Variants in MERTK observed in about 807,000 individuals in gnomAD.
MERTK encodes the protein tyrosine-protein kinase Mer.
MERTK carries 69 observed loss-of-function variants against 99.3 expected under a neutral mutation model. The ratio of observed to expected loss-of-function variants is 0.70; its 90% confidence interval spans 0.57 to 0.85. The LOEUF is 0.85. Ranked by LOEUF, MERTK falls within the 40% of genes least tolerant of loss-of-function variation. The pLI, the probability that MERTK is intolerant of heterozygous loss-of-function variation, is 0.00. For synonymous variants in MERTK, 426 were observed against 467.6 expected (o/e 0.91, Z 1.15); for missense variants, 1,125 against 1,249.4 (o/e 0.90, Z 1.50).
intron 1 of MERTK, among the ~76,000 whole-genome samples, chr2:111,901,222 T>A (rs1684036699): frequency 6.6e-6 from 1 of 152,150 alleles, no homozygotes; most frequent in African/African-American, 2.4e-5. Context: ...TGGAGCAAGA[T>A]AAATATAAAT....
Position 112,028,964 on chromosome 2 carries a change from G to C in MERTK, c.*100G>C, listed in dbSNP as rs1466800848. 1 of 1,601,668 alleles carries C rather than the reference G, an allele frequency of 6.2e-7. No homozygotes were observed. Among genetic ancestry groups the C allele is most frequent in the Non-Finnish European group, 8.5e-7 (1 of 1,174,722 alleles). ...TTTTGGTATTTGTCTTCCTTACCAA[G>C]TGAACTCCATGGCCCCAAAGCACCA... is the stretch of plus-strand genomic sequence containing the variant. On this transcript the variant is annotated 3_prime_UTR_variant, in exon 19 of 19. Coordinates refer to ENST00000295408, the MANE Select transcript of MERTK (RefSeq NM_006343.3).
At chr2:111,959,316 C>T (rs915932559) in intron 4 of MERTK, among the ~76,000 whole-genome samples, 5 of 152,136 alleles carry the variant, frequency 3.3e-5, no homozygotes, top group South Asian at 2.1e-4. Context: ...CCAGTTACTT[C>T]GCCAGTTCTC....
At chr2:111,913,296 C>T (rs1272910407) in intron 1 of MERTK, among the ~76,000 whole-genome samples, 1 of 152,048 alleles carries the variant, frequency 6.6e-6, no homozygotes, top group African/African-American at 2.4e-5. Flanking sequence ...TTAGTTATAT[C>T]TTCTTGTATT....
At chr2:111,956,306 C>T (rs1316496014) in intron 4 of MERTK, among the ~76,000 whole-genome samples, 3 of 152,004 alleles carry the variant, frequency 2.0e-5, no homozygotes, top group Non-Finnish European at 4.4e-5. Context: ...ACCAGGATTG[C>T]CTATAGGAAT....
intron 15 of MERTK, among the ~76,000 whole-genome samples, chr2:112,018,171 T>G (rs746869867): frequency 8.5e-5 from 13 of 152,264 alleles, no homozygotes; most frequent in Non-Finnish European, 1.8e-4. Flanking sequence ...TATGTCCATC[T>G]TGTATCCTAC....
At chr2:111,963,929 G>C (rs1685305144) in intron 4 of MERTK, among the ~76,000 whole-genome samples, 1 of 151,702 alleles carries the variant, frequency 6.6e-6, no homozygotes, top group South Asian at 2.1e-4. Context: ...AGGCCATAGA[G>C]GTGAAGTGAC....
chr2:111,983,038 A>C (rs752432721), intron 8 of MERTK, 45 bp downstream of exon 8: 21 of 1,611,534 alleles, frequency 1.3e-5, no homozygotes, highest in Non-Finnish European at 1.7e-5. Flanking sequence ...TCTCCTTTCA[A>C]CTTGCTGGTT....
intron 1 of MERTK, among the ~76,000 whole-genome samples, chr2:111,919,139 C>T (rs777312439): frequency 1.7e-4 from 26 of 152,136 alleles, no homozygotes; most frequent in Admixed American, 3.9e-4. Flanking sequence ...CTTGTTCTCA[C>T]CCCACCTCTC....
chr2:111,960,212 G>A (rs1179837693), intron 4 of MERTK, among the ~76,000 whole-genome samples: 1 of 152,126 alleles, frequency 6.6e-6, no homozygotes, highest in Non-Finnish European at 1.5e-5. Flanking sequence ...TGGACGTGGT[G>A]GCTCACGCCT....
At position 112,003,912 on chromosome 2, in the gene MERTK, G is replaced by T; in HGVS notation, c.1795G>T (p.Gly599Trp). The T allele has an allele frequency of 6.2e-7, 1 of 1,613,146 alleles. No individual in the cohort carries two copies. The highest frequency in any genetic ancestry group is 1.1e-5 in the South Asian group (1 of 91,046). ...LGKILGEGEF[G>W]SVMEGNLKQE... ...GTTCTTTCACTTCACAGGAGAGTTT[G>T]GGTCTGTAATGGAAGGAAATCTTAA... The change falls in exon 13 of 19, where the codon GGG becomes TGG. Residue 599 changes from glycine (G) to tryptophan (W), a missense_variant. By Grantham distance (184) the Gly-to-Trp change is radical (BLOSUM62 -2). Transcript: ENST00000295408.
intron 1 of MERTK, among the ~76,000 whole-genome samples, chr2:111,924,349 G>A (rs186891403): frequency 6.6e-6 from 1 of 152,286 alleles, no homozygotes; most frequent in African/African-American, 2.4e-5. Context: ...GCCACCAGCT[G>A]TCCACTCCTG....
intron 1 of MERTK, among the ~76,000 whole-genome samples, chr2:111,916,732 G>A (rs1684357877): frequency 6.6e-6 from 1 of 152,086 alleles, no homozygotes; most frequent in African/African-American, 2.4e-5. Context: ...TTCTGCTTGA[G>A]ATCAGTTTTA....
chr2:111,899,568 AGTGCCGCG>A (rs1271799321), intron 1 of MERTK, among the ~76,000 whole-genome samples: 2 of 151,198 alleles, frequency 1.3e-5, no homozygotes, highest in East Asian at 3.9e-4. Flanking sequence ...CCCAGGCTGG[AGTGCCGCG>A]GCGCGATCTC....
intron 2 of MERTK, chr2:111,941,180 G>C: frequency 3.2e-6 from 1 of 314,400 alleles, no homozygotes; most frequent in Non-Finnish European, 6.1e-6. Context: ...TGGGTACAGA[G>C]TTCGAAAGGA....
At chr2:111,929,580 A>ATATTTAGTTATTTATTTATTTATTTATT (rs1684631604) in intron 2 of MERTK, 40 bp downstream of exon 2, 1 of 1,063,792 alleles carries the variant, frequency 9.4e-7, no homozygotes, top group Non-Finnish European at 1.3e-6. Flanking sequence ...TTTAGTTTTA[A>ATATTTAGTTATTTATTTATTTATTTATT]TATTTATTTA....
rs1553452048 is a variant in MERTK at position 111,964,398 on chromosome 2, T to TGC, written c.758-784_758-783dup. Among the ~76,000 whole-genome samples, 157 of 81,134 alleles carry TGC rather than the reference T, an allele frequency of 1.9e-3. 1 individual carries two copies. Among genetic ancestry groups the TGC allele is most frequent in the African/African-American group, 6.8e-3 (150 of 21,976 alleles). The allele number at this position is 81,134 out of a possible 152,430, so 53.2% of individuals were successfully genotyped here. On this transcript the variant is annotated intron_variant, in intron 4 of 18. Transcript: ENST00000295408. ...GTGTGTGTGTGTGTGTGTGTGTGTGTGCGCGCGCGCACGCGCATGTGTGTG... is the reference window on the plus strand; with the variant it reads ...GTGTGTGTGTGTGTGTGTGTGTGTGTGCGCGCGCGCGCACGCGCATGTGTGTG...
chr2:111,979,092 T>C (rs1676315917), intron 7 of MERTK, among the ~76,000 whole-genome samples: 1 of 152,242 alleles, frequency 6.6e-6, no homozygotes, highest in African/African-American at 2.4e-5. Flanking sequence ...TTTTCTATTT[T>C]CCTTTAGAGG....
At chr2:111,933,182 A>G (rs1684704844) in intron 2 of MERTK, among the ~76,000 whole-genome samples, 1 of 152,190 alleles carries the variant, frequency 6.6e-6, no homozygotes. Context: ...AGGTGAGGAC[A>G]CTGAGCCCCA....
At chr2:111,928,043 G>A (rs1228265622) in intron 1 of MERTK, among the ~76,000 whole-genome samples, 2 of 152,136 alleles carry the variant, frequency 1.3e-5, no homozygotes, top group Admixed American at 6.6e-5. Context: ...CCCTTGCTCA[G>A]AAACCATCTA....
Sources: gnomAD v4.1 joint callset for allele counts (sites outside exome capture counted in the v4.1 genomes callset) on GRCh38, gnomAD v4.1.1 for gene constraint, MANE v1.5 for transcripts, NCBI Gene and HGNC (gene_info 2026-07-23, HGNC 2026-07-21) for gene names.